MYO3A: variants seen among roughly 807,000 people sequenced by gnomAD.
MYO3A encodes myosin-IIIa.
Under a neutral mutation model 192.7 loss-of-function variants are expected in MYO3A, and 180 were observed. The ratio of observed to expected loss-of-function variants is 0.93; its 90% confidence interval spans 0.83 to 1.06. The LOEUF (loss-of-function observed/expected upper bound fraction) is 1.06, where lower values mean the gene tolerates loss of function less well. MYO3A is among the 50% of genes least tolerant of loss of function. MYO3A has a pLI of 0.00. For synonymous variants in MYO3A, 628 were observed against 645.3 expected (o/e 0.97, Z 0.41); for missense variants, 1,896 against 1,905.0 (o/e 1.00, Z 0.09).
At chr10:26,151,567 G>C (rs565471425) in intron 23 of MYO3A, among the ~76,000 whole-genome samples, 2 of 152,104 alleles carry the variant, frequency 1.3e-5, no homozygotes, top group South Asian at 4.2e-4. Flanking sequence ...TATATTCAAA[G>C]TAGGGTTTTT....
chr10:26,198,221 T>A (rs1843510643), intron 32 of MYO3A, among the ~76,000 whole-genome samples: 1 of 152,212 alleles, frequency 6.6e-6, no homozygotes, highest in South Asian at 2.1e-4. Context: ...TATTGCCTCT[T>A]TCCTATGACT....
At chr10:26,003,121 A>C (rs1216137105) in intron 6 of MYO3A, among the ~76,000 whole-genome samples, 3 of 152,212 alleles carry the variant, frequency 2.0e-5, no homozygotes, top group Non-Finnish European at 2.9e-5. Flanking sequence ...CAAGTGTGAA[A>C]AAGTCTCTGC....
intron 6 of MYO3A, among the ~76,000 whole-genome samples, chr10:26,008,424 A>G (rs1455787600): frequency 6.7e-6 from 1 of 148,660 alleles, no homozygotes; most frequent in Non-Finnish European, 1.5e-5. Context: ...AGCAAAAGAA[A>G]CTACCATCAG....
chr10:26,010,566 C>A (rs559899805), intron 6 of MYO3A, among the ~76,000 whole-genome samples: 5 of 150,566 alleles, frequency 3.3e-5, no homozygotes, highest in African/African-American at 1.2e-4. Flanking sequence ...TGGATTCAAG[C>A]GATTCTTCTG....
At position 26,088,259 on chromosome 10, in the gene MYO3A, C is replaced by A. The variant is rs779845994; in HGVS notation, c.1416C>A (p.Ala472=). Residue 472 remains alanine (A), a synonymous_variant, in exon 15 of 35, where the codon GCC becomes GCA. Coordinates refer to ENST00000642920, the MANE Select transcript of MYO3A (RefSeq NM_017433.5). The stretch of plus-strand genomic sequence containing the variant: ...TACAAGTGAACAATTTGGTAGAAGC[C>A]TTTGGCAATGCCTGCACTATTATAA... ...KILQVNNLVE[A]FGNACTIIND... is the part of the protein sequence containing the mutation. 5.6e-6 allele frequency: 9 copies of A among 1,613,370 alleles called. No individual in the cohort carries two copies. The highest frequency in any genetic ancestry group is 7.6e-6 in the Non-Finnish European group (9 of 1,179,712).
Position 26,174,208 on chromosome 10 carries a change from C to T in MYO3A, c.3944C>T (p.Pro1315Leu), listed in dbSNP as rs748224168. 11 of 1,614,010 alleles carry T rather than the reference C, an allele frequency of 6.8e-6. No homozygotes were observed. Among genetic ancestry groups the T allele is most frequent in the Admixed American group, 3.3e-5 (2 of 60,000 alleles). The change falls in exon 30 of 35, where the codon CCG (proline) becomes CTG (leucine). Residue 1315 changes from proline (P) to leucine (L), a missense_variant. Physicochemically the swap from Pro to Leu is moderately conservative, Grantham distance 98 (BLOSUM62 -3). Coordinates refer to ENST00000642920, the MANE Select transcript of MYO3A (RefSeq NM_017433.5). ...ACATCTGTAGTTACCCAGCGTGCACCGATATGCAGCCAGGAGGAAGGCAGA... is the reference window on the plus strand; with the variant it reads ...ACATCTGTAGTTACCCAGCGTGCACTGATATGCAGCCAGGAGGAAGGCAGA... ...KKTSVVTQRA[P>L]ICSQEEGRGR...
At chr10:26,094,506 G>T (rs771571578) in intron 15 of MYO3A, among the ~76,000 whole-genome samples, 2 of 138,176 alleles carry the variant, frequency 1.4e-5, no homozygotes. Flanking sequence ...CTCATTGCAA[G>T]CTCTGCCTCC....
In MYO3A at chr10:26,165,950, C is replaced by T. The variant is rs1008285228; in HGVS notation, c.3000-117C>T. On this transcript the variant is annotated intron_variant, in intron 26 of 34. Transcript: ENST00000642920. ...TCTGAGGATGCCTAAAGGATTTCTC[C>T]GCATCAAGTCTGGGCATCTCTTCCT... 71 of 868,670 alleles carry T rather than the reference C, an allele frequency of 8.2e-5. 3 individuals carry two copies. Among genetic ancestry groups the T allele is most frequent in the South Asian group, 6.1e-4 (46 of 75,704 alleles). 53.8% of individuals were successfully genotyped at this position (868,670 alleles called of 1,614,324 possible).
chr10:25,994,669 A>AGT (rs1346081086), intron 4 of MYO3A, among the ~76,000 whole-genome samples: 1 of 152,164 alleles, frequency 6.6e-6, no homozygotes, highest in African/African-American at 2.4e-5. Context: ...TTCCATGTTT[A>AGT]GTGCTTCCTT....
At chr10:25,937,523 C>T (rs1836168512) in intron 2 of MYO3A, among the ~76,000 whole-genome samples, 2 of 152,130 alleles carry the variant, frequency 1.3e-5, no homozygotes, top group African/African-American at 4.8e-5. Context: ...TTCAGACATG[C>T]ATTATTATCC....
intron 10 of MYO3A, among the ~76,000 whole-genome samples, chr10:26,042,743 T>G (rs1330176823): frequency 6.6e-6 from 1 of 152,236 alleles, no homozygotes; most frequent in Admixed American, 6.5e-5. Context: ...TTGAGTTTCC[T>G]CAAAACAACT....
At chr10:26,155,182 T>C (rs1180916740) in intron 25 of MYO3A, among the ~76,000 whole-genome samples, 1 of 152,188 alleles carries the variant, frequency 6.6e-6, no homozygotes, top group Non-Finnish European at 1.5e-5. Context: ...AGTAGACAGA[T>C]AGGGCAAGGC....
At chr10:26,008,381 A>G (rs1322087817) in intron 6 of MYO3A, among the ~76,000 whole-genome samples, 1 of 148,856 alleles carries the variant, frequency 6.7e-6, no homozygotes, top group African/African-American at 2.6e-5. Context: ...AAATTGACAA[A>G]TGGGATCTAA....
chr10:26,080,860 G>C (rs1253492819), intron 14 of MYO3A, among the ~76,000 whole-genome samples: 3 of 152,134 alleles, frequency 2.0e-5, no homozygotes, highest in African/African-American at 4.8e-5. Context: ...GCCCAGCTCT[G>C]GGCTGCTGCT....
At chr10:26,115,836 T>G (rs1229331250) in intron 17 of MYO3A, among the ~76,000 whole-genome samples, 3 of 152,146 alleles carry the variant, frequency 2.0e-5, no homozygotes, top group Non-Finnish European at 4.4e-5. Flanking sequence ...ATCTAATAAT[T>G]CAAAATTATT....
chr10:25,981,925 G>A (rs1474051821), intron 4 of MYO3A, among the ~76,000 whole-genome samples: 1 of 152,166 alleles, frequency 6.6e-6, no homozygotes, highest in African/African-American at 2.4e-5. Context: ...ACCTCTTCAG[G>A]TTCCCTGAGA....
At chr10:26,087,176 C>T (rs1439703255) in intron 14 of MYO3A, among the ~76,000 whole-genome samples, 1 of 152,192 alleles carries the variant, frequency 6.6e-6, no homozygotes, top group African/African-American at 2.4e-5. Context: ...TGTTATCTCA[C>T]CTTTTTCATG....
Position 26,154,295 on chromosome 10 carries a change from C to T in MYO3A, c.2715+366C>T, listed in dbSNP as rs113545895. Among the ~76,000 whole-genome samples the T allele has an allele frequency of 4.1e-3, 617 of 152,244 alleles. 5 individuals are homozygous for T. The highest frequency in any genetic ancestry group is 0.014 in the African/African-American group (589 of 41,522). On this transcript the variant is annotated intron_variant, in intron 24 of 34. Transcript: ENST00000642920. ...CTCCCAGGCTCAAGTGATTCTCCTG[C>T]CTCAGCCTCCTGATTAGCTGGGATT...
chr10:26,005,911 A>C (rs7913203), intron 6 of MYO3A, among the ~76,000 whole-genome samples: 5,976 of 152,098 alleles, frequency 0.039, 427 homozygotes, highest in African/African-American at 0.13. Context: ...CTTTTACCTT[A>C]TTTGAAAGGC....
Sources: allele counts gnomAD v4.1 joint callset (sites outside exome capture counted in the v4.1 genomes callset), GRCh38; gene constraint gnomAD v4.1.1; transcripts MANE v1.5; gene names NCBI Gene and HGNC (gene_info 2026-07-23, HGNC 2026-07-21).